TTLL11: variants seen among roughly 807,000 people sequenced by gnomAD.
TTLL11 encodes the protein tubulin polyglutamylase TTLL11.
A neutral mutation model predicts 51.7 loss-of-function variants in TTLL11; 42 were observed. That is an observed-to-expected ratio of 0.81 (90% CI 0.64 to 1.05). TTLL11 has a LOEUF of 1.05. Among genes scored for constraint, TTLL11 ranks in the 50% least tolerant of loss-of-function variants. The pLI is 0.00. For synonymous variants in TTLL11, 381 were observed against 383.5 expected (o/e 0.99, Z 0.08); for missense variants, 799 against 940.4 (o/e 0.85, Z 1.97).
intron 6 of TTLL11, among the ~76,000 whole-genome samples, chr9:121,903,032 A>G (rs899617724): frequency 8.5e-5 from 13 of 152,074 alleles, no homozygotes; most frequent in Non-Finnish European, 1.6e-4. Context: ...CTGTAACCAC[A>G]TTTCCTTATC....
At chr9:122,045,161 C>A (rs930753808) in intron 1 of TTLL11, among the ~76,000 whole-genome samples, 4 of 151,826 alleles carry the variant, frequency 2.6e-5, no homozygotes, top group African/African-American at 9.7e-5. Flanking sequence ...GAAATTGGAA[C>A]CCTTGCACAT....
chr9:121,878,483 G>C (rs1838653410), intron 6 of TTLL11, among the ~76,000 whole-genome samples: 1 of 152,158 alleles, frequency 6.6e-6, no homozygotes, highest in African/African-American at 2.4e-5. Flanking sequence ...AGCAGACTAG[G>C]TCTCTCCCTG....
chr9:121,882,432 T>C (rs191551699), intron 6 of TTLL11, among the ~76,000 whole-genome samples: 1 of 152,328 alleles, frequency 6.6e-6, no homozygotes, highest in African/African-American at 2.4e-5. Flanking sequence ...TAATTGTCAC[T>C]GATCTTCTTA....
At chr9:121,867,973 T>A (rs768692781) in intron 7 of TTLL11, among the ~76,000 whole-genome samples, 3 of 152,122 alleles carry the variant, frequency 2.0e-5, no homozygotes, top group African/African-American at 4.8e-5. Flanking sequence ...AACTTTGAGA[T>A]AGAACAGATC....
intron 3 of TTLL11, among the ~76,000 whole-genome samples, chr9:121,997,121 A>C (rs1843293271): frequency 6.6e-6 from 1 of 152,146 alleles, no homozygotes; most frequent in Non-Finnish European, 1.5e-5. Flanking sequence ...ATGCAACTTA[A>C]TGGACCCTGC....
At position 121,853,288 on chromosome 9, in the gene TTLL11, T is replaced by A. The variant is rs1037152690; in HGVS notation, c.1840+7049A>T. On this transcript the variant is annotated intron_variant, in intron 8 of 8. Transcript: ENST00000321582. This position sits in a 1 kb window ranked among gnomAD's most constrained non-coding sequence, Gnocchi z 5.6. ...CTCTGTTTCCTGGATGTTGGCCTCA[T>A]GTCGGGGGCAGATGTCCAGGCCCTT... is the stretch of plus-strand genomic sequence containing the variant. 6.6e-6 allele frequency among the ~76,000 whole-genome samples: 1 copy of A among 152,084 alleles called. No individual in the cohort carries two copies. The highest frequency in any genetic ancestry group is 1.5e-5 in the Non-Finnish European group (1 of 68,008).
At chr9:122,004,895 T>C (rs1036559406) in intron 3 of TTLL11, among the ~76,000 whole-genome samples, 1 of 152,174 alleles carries the variant, frequency 6.6e-6, no homozygotes, top group African/African-American at 2.4e-5. Flanking sequence ...CACATCAGCT[T>C]GGTTCAGCAC....
Position 121,933,039 on chromosome 9 carries a change from C to T in TTLL11, c.1481+40970G>A, listed in dbSNP as rs561620003. On this transcript the variant is annotated intron_variant, in intron 6 of 8. Coordinates refer to ENST00000321582, the MANE Select transcript of TTLL11 (RefSeq NM_001139442.2). ...ATTGATCAACTGGCTCCCTGAGCAT[C>T]GAAAATGTCGGTTAGTTTTTCCTCT... Among the ~76,000 whole-genome samples, 5 of 152,202 alleles carry T rather than the reference C, an allele frequency of 3.3e-5. No individual in the cohort carries two copies. In the South Asian group the frequency reaches 8.3e-4, roughly 25 times the overall value.
At chr9:121,920,277 T>C (rs1377037930) in intron 6 of TTLL11, among the ~76,000 whole-genome samples, 1 of 152,206 alleles carries the variant, frequency 6.6e-6, no homozygotes, top group Admixed American at 6.5e-5. Flanking sequence ...CACTCCAGCC[T>C]GGTGACAAGG....
At chr9:121,917,808 T>A (rs1384734671) in intron 6 of TTLL11, among the ~76,000 whole-genome samples, 1 of 152,178 alleles carries the variant, frequency 6.6e-6, no homozygotes, top group Non-Finnish European at 1.5e-5. Flanking sequence ...CATTGCTCCA[T>A]AGGAAATAAA....
At chr9:121,913,769 T>G (rs1319169477) in intron 6 of TTLL11, among the ~76,000 whole-genome samples, 1 of 152,154 alleles carries the variant, frequency 6.6e-6, no homozygotes, top group African/African-American at 2.4e-5. Context: ...TGAAATCAAA[T>G]CAACATCTCA....
At chr9:122,062,462 C>CTTTTTTTTTTTTTTT (rs386416145) in intron 1 of TTLL11, among the ~76,000 whole-genome samples, 10 of 77,700 alleles carry the variant, frequency 1.3e-4, no homozygotes, top group Non-Finnish European at 1.6e-4. Flanking sequence ...TTATATTATG[C>CTTTTTTTTTTTTTTT]TTTTTTTTTT....
At chr9:121,868,109 G>A (rs1564280287) in intron 7 of TTLL11, among the ~76,000 whole-genome samples, 1 of 152,086 alleles carries the variant, frequency 6.6e-6, no homozygotes, top group Non-Finnish European at 1.5e-5. Flanking sequence ...GAGGGCCAAG[G>A]AAGCTTCTGC....
chr9:122,091,457 G>C (rs1490119024), intron 1 of TTLL11, among the ~76,000 whole-genome samples: 1 of 152,194 alleles, frequency 6.6e-6, no homozygotes, highest in Non-Finnish European at 1.5e-5. Context: ...CAGACACTTG[G>C]AGTCAAACTT....
intron 6 of TTLL11, among the ~76,000 whole-genome samples, chr9:121,872,196 T>C (rs1335245525): frequency 1.3e-5 from 2 of 152,232 alleles, no homozygotes; most frequent in African/African-American, 4.8e-5. Context: ...CTGGGTGTCT[T>C]TGTGCCTGCT....
intron 1 of TTLL11, among the ~76,000 whole-genome samples, chr9:122,092,389 C>G (rs983210954): frequency 6.6e-6 from 1 of 152,044 alleles, no homozygotes; most frequent in Non-Finnish European, 1.5e-5. Context: ...GACAGACGTA[C>G]ACATATCTAC....
chr9:121,993,326 T>A (rs1354358703), intron 3 of TTLL11, among the ~76,000 whole-genome samples: 1 of 152,244 alleles, frequency 6.6e-6, no homozygotes, highest in African/African-American at 2.4e-5. Context: ...AATTTTAAGA[T>A]TAATTTTTAA....
At chr9:121,884,065 A>C (rs1838901033) in intron 6 of TTLL11, among the ~76,000 whole-genome samples, 1 of 152,240 alleles carries the variant, frequency 6.6e-6, no homozygotes, top group South Asian at 2.1e-4. Flanking sequence ...TGCCAGACAC[A>C]TCGCTGGTCC....
chr9:121,892,676 T>C (rs572470675), intron 6 of TTLL11, among the ~76,000 whole-genome samples: 1 of 152,312 alleles, frequency 6.6e-6, no homozygotes, highest in Admixed American at 6.5e-5. Flanking sequence ...TTACTCTTAC[T>C]GTCCCCCTGA....
Sources: allele counts gnomAD v4.1 joint callset (sites outside exome capture counted in the v4.1 genomes callset), GRCh38; gene constraint gnomAD v4.1.1; non-coding constraint Gnocchi (gnomAD v3.1); transcripts MANE v1.5; gene names NCBI Gene and HGNC (gene_info 2026-07-23, HGNC 2026-07-21).